SHMT1: variants seen among roughly 807,000 people sequenced by gnomAD.
The protein encoded by SHMT1 is serine hydroxymethyltransferase, cytosolic.
Under a neutral mutation model 49.0 loss-of-function variants are expected in SHMT1, and 45 were observed. The ratio of observed to expected loss-of-function variants is 0.92; its 90% confidence interval spans 0.72 to 1.18. SHMT1 has a LOEUF of 1.18. Ranked by LOEUF, SHMT1 falls within the 50% of genes most tolerant of loss-of-function variation. The probability of loss-of-function intolerance (pLI) is 0.00; values close to 1 mark genes in which losing one functional copy is unlikely to be tolerated. For missense variants in SHMT1, 541 were observed against 612.4 expected, an observed-to-expected ratio of 0.88 and a Z score of 1.23; for synonymous variants, 232 against 246.6, an observed-to-expected ratio of 0.94 and a Z score of 0.55.
intron 2 of SHMT1, among the ~76,000 whole-genome samples, chr17:18,354,573 G>A (rs977141582): frequency 1.3e-5 from 2 of 152,186 alleles, no homozygotes; most frequent in African/African-American, 4.8e-5. Flanking sequence ...TCCAGCCTGG[G>A]AAACAAGAGC....
chr17:18,344,576 G>GAA (rs748167371), intron 5 of SHMT1, among the ~76,000 whole-genome samples: 4 of 26,368 alleles, frequency 1.5e-4, no homozygotes, highest in African/African-American at 3.4e-4. Context: ...CACAATTACC[G>GAA]GAAAAAAAAA....
chr17:18,329,017 G>T, intron 11 of SHMT1, 98 bp from the exon 12 acceptor site: 1 of 1,483,478 alleles, frequency 6.7e-7, no homozygotes, highest in East Asian at 2.3e-5. Context: ...TCCCCCAGCT[G>T]GGGAGTGTGG....
intron 5 of SHMT1, 113 bp downstream of exon 5, chr17:18,347,383 G>A: frequency 8.3e-7 from 1 of 1,203,900 alleles, no homozygotes; most frequent in Non-Finnish European, 1.2e-6. Context: ...TAAAAACGGT[G>A]CGAGGTGGGG....
chr17:18,361,983 T>A (rs180968649), intron 1 of SHMT1, among the ~76,000 whole-genome samples: 16 of 152,288 alleles, frequency 1.1e-4, no homozygotes, highest in Middle Eastern at 3.4e-3. Context: ...TGAAGTCACC[T>A]GCAAGGTCAC....
At chr17:18,339,446 C>T (rs750076478) in intron 7 of SHMT1, among the ~76,000 whole-genome samples, 5 of 152,156 alleles carry the variant, frequency 3.3e-5, no homozygotes, top group Non-Finnish European at 5.9e-5. Context: ...CAGCAACCGG[C>T]GCCATCCTAA....
chr17:18,344,577 G>GAAAAAAAAAAAAAAA (rs10655994), intron 5 of SHMT1, among the ~76,000 whole-genome samples: 5 of 65,390 alleles, frequency 7.6e-5, no homozygotes, highest in African/African-American at 3.0e-4. Flanking sequence ...ACAATTACCG[G>GAAAAAAAAAAAAAAA]AAAAAAAAAA....
rs532366303 is a variant in SHMT1, at chr17:18,340,978, C to T, written c.520-165G>A. The T allele has an allele frequency of 1.5e-6, 1 of 658,696 alleles. No homozygotes were observed. The highest frequency in any genetic ancestry group is 1.8e-5 in the African/African-American group (1 of 56,686). The allele number at this position is 658,696 out of a possible 1,614,324, so 40.8% of individuals were successfully genotyped here. A position where few individuals can be genotyped will look rare whatever the true frequency, so the allele number is the denominator to read the frequency against. ...ATACTGGTGTGTTCAGCCTGCTCAA[C>T]CAAGTATGGCTCACAGACCCAGGAG... On this transcript the variant is annotated intron_variant, in intron 5 of 11. Coordinates refer to ENST00000316694, the MANE Select transcript of SHMT1 (RefSeq NM_004169.5). The surrounding 1 kb of genome is among the most constrained non-coding windows in gnomAD (Gnocchi z 4.5).
chr17:18,331,356 GCTGTGCCCACCCA>G (rs1368533260), intron 9 of SHMT1: 2 of 160,412 alleles, frequency 1.2e-5, no homozygotes, highest in African/African-American at 2.4e-5. Flanking sequence ...CAGCCCCCCA[GCTGTGCCCACCCA>G]CTTGCCGTGT....
intron 9 of SHMT1, 131 bp downstream of exon 9, chr17:18,333,032 ACCT>A: frequency 1.7e-6 from 2 of 1,170,738 alleles, no homozygotes; most frequent in African/African-American, 1.5e-5. Flanking sequence ...GGCGAGGCTG[ACCT>A]CCTCCCAAGG....
At chr17:18,331,761 C>T (rs1458971580) in intron 9 of SHMT1, 1 of 152,252 alleles carries the variant, frequency 6.6e-6, no homozygotes, top group Non-Finnish European at 1.5e-5. Flanking sequence ...GTTTAAGAAA[C>T]AGGGACCTAA....
intron 1 of SHMT1, among the ~76,000 whole-genome samples, chr17:18,357,461 T>C (rs1014827077): frequency 1.5e-4 from 23 of 151,938 alleles, no homozygotes; most frequent in African/African-American, 5.3e-4. Flanking sequence ...GAACAGGATA[T>C]AGGCAGTTGG....
At chr17:18,361,202 G>A (rs768748459) in intron 1 of SHMT1, among the ~76,000 whole-genome samples, 58 of 151,636 alleles carry the variant, frequency 3.8e-4, no homozygotes, top group Admixed American at 5.9e-4. Context: ...CTACTCAGGA[G>A]GCTGAGGCAA....
chr17:18,341,951 A>G (rs1231158799), intron 5 of SHMT1, among the ~76,000 whole-genome samples: 2 of 152,156 alleles, frequency 1.3e-5, no homozygotes, highest in Non-Finnish European at 2.9e-5. Flanking sequence ...AATCAATGGC[A>G]CTAGGTCAAC....
intron 8 of SHMT1, among the ~76,000 whole-genome samples, chr17:18,333,973 CTG>C (rs1983522733): frequency 6.6e-6 from 1 of 151,420 alleles, no homozygotes; most frequent in South Asian, 2.1e-4. Context: ...GAGTCTCGCT[CTG>C]TCGCTGAGGC....
chr17:18,339,835 C>T (rs1469906741), intron 7 of SHMT1, among the ~76,000 whole-genome samples: 4 of 152,224 alleles, frequency 2.6e-5, no homozygotes, highest in African/African-American at 9.6e-5. Context: ...GCTGGGATTA[C>T]AGGCGCGAGC....
At chr17:18,332,867 TCTCAGTTGAGC>T (rs1413686001) in intron 9 of SHMT1, 2 of 434,800 alleles carry the variant, frequency 4.6e-6, no homozygotes, top group Non-Finnish European at 8.9e-6. Context: ...CAGCCCAACC[TCTCAGTTGAGC>T]CTCAGGTCAT....
At chr17:18,361,913 A>G (rs1490438974) in intron 1 of SHMT1, among the ~76,000 whole-genome samples, 1 of 152,194 alleles carries the variant, frequency 6.6e-6, no homozygotes, top group African/African-American at 2.4e-5. Flanking sequence ...ATATTTCTGT[A>G]GAGGCACTGT....
chr17:18,343,927 A>T (rs1472488743), intron 5 of SHMT1, among the ~76,000 whole-genome samples: 1 of 151,568 alleles, frequency 6.6e-6, no homozygotes, highest in African/African-American at 2.4e-5. Context: ...CTTAAAAAAA[A>T]AAAAAAAAAA....
chr17:18,348,672 T>C (rs746398418), intron 3 of SHMT1: 3 of 640,302 alleles, frequency 4.7e-6, no homozygotes, highest in Middle Eastern at 2.6e-4. Flanking sequence ...AAATATCTCA[T>C]CTATAAAAAG....
Sources: allele counts gnomAD v4.1 joint callset (sites outside exome capture counted in the v4.1 genomes callset), GRCh38; gene constraint gnomAD v4.1.1; non-coding constraint Gnocchi (gnomAD v3.1); transcripts MANE v1.5; gene names NCBI Gene and HGNC (gene_info 2026-07-23, HGNC 2026-07-21).